The following LAMC2 variants were observed in gnomAD, a reference collection of about 807,000 sequenced individuals.
The protein encoded by LAMC2 is laminin subunit gamma 2.
Under a neutral mutation model 140.2 loss-of-function variants are expected in LAMC2, and 97 were observed. The observed-to-expected ratio is 0.69, with a 90% confidence interval of 0.59 to 0.82. The LOEUF is 0.82. Among genes scored for constraint, LAMC2 ranks in the 40% least tolerant of loss-of-function variants. The pLI is 0.00. For missense variants in LAMC2, 1,402 were observed against 1,476.1 expected (o/e 0.95, Z 0.82); for synonymous variants, 513 against 540.2 (o/e 0.95, Z 0.70).
At chr1:183,221,004 A>G in intron 5 of LAMC2, 43 bp downstream of exon 5, 1 of 1,592,708 alleles carries the variant, frequency 6.3e-7, no homozygotes, top group Non-Finnish European at 8.6e-7. Flanking sequence ...TTAATGTTGT[A>G]CAGGGCTTTG....
chr1:183,237,390 A>G lies in LAMC2; in HGVS notation c.2640A>G (p.Ser880=), dbSNP rs1243429768. 1 of 1,614,058 alleles carries G rather than the reference A, an allele frequency of 6.2e-7. No individual in the cohort carries two copies. The highest frequency in any genetic ancestry group is 8.5e-7 in the Non-Finnish European group (1 of 1,180,036). The change falls in exon 18 of 23, where the codon TCA becomes TCG. Residue 880 remains serine, a synonymous_variant. Coordinates refer to ENST00000264144, the MANE Select transcript of LAMC2 (RefSeq NM_005562.3). The part of the protein sequence containing the change: ...EAKRIKQKAD[S]LSSLVTRHMD... ...AGAGGATCAAACAAAAAGCGGATTC[A>G]CTCTCAAGCCTGGTAACCAGGCATA... is the stretch of plus-strand genomic sequence containing the variant.
chr1:183,239,095 T>A (rs1439754590), intron 19 of LAMC2, among the ~76,000 whole-genome samples: 5 of 152,254 alleles, frequency 3.3e-5, no homozygotes, highest in African/African-American at 4.8e-5. Flanking sequence ...AGATTCTACC[T>A]GCTTCTGATG....
intron 7 of LAMC2, 142 bp from the exon 8 acceptor site, chr1:183,225,466 A>T (rs1433992369): frequency 1.6e-5 from 11 of 687,184 alleles, no homozygotes; most frequent in Admixed American, 4.0e-5. Context: ...TGCCTATGAA[A>T]AGGTGGCTCT....
the LAMC2 span, chr1:183,251,783 C>T: frequency 6.5e-6 from 1 of 154,774 alleles, no homozygotes; most frequent in Non-Finnish European, 1.4e-5. Context: ...TCAAATTATT[C>T]TGAGAAAACC....
At chr1:183,206,041 A>T (rs113260611) in intron 1 of LAMC2, among the ~76,000 whole-genome samples, 1 of 152,234 alleles carries the variant, frequency 6.6e-6, no homozygotes, top group African/African-American at 2.4e-5. Flanking sequence ...GAAGGAACAT[A>T]AAATGGAAAG....
intron 8 of LAMC2, 50 bp from the exon 9 acceptor site, chr1:183,226,648 A>G: frequency 6.8e-7 from 1 of 1,468,036 alleles, no homozygotes; most frequent in South Asian, 1.1e-5. Context: ...CTGACTTGAG[A>G]TCTTTAGACT....
At chr1:183,252,777 C>T in the LAMC2 span, 1 of 1,520,344 alleles carries the variant, frequency 6.6e-7, no homozygotes, top group Non-Finnish European at 9.1e-7. Context: ...AGATGGACAT[C>T]CACACCCAAA....
Position 183,243,618 on chromosome 1 carries a change from C to T in LAMC2, c.*218C>T. The T allele has an allele frequency of 1.7e-6, 1 of 604,880 alleles. No individual in the cohort carries two copies. Among genetic ancestry groups the T allele is most frequent in the East Asian group, 2.9e-5 (1 of 34,774 alleles). 37.5% of individuals were successfully genotyped at this position (604,880 alleles called of 1,614,324 possible). On this transcript the variant is annotated 3_prime_UTR_variant, in exon 23 of 23. Coordinates refer to ENST00000264144, the MANE Select transcript of LAMC2 (RefSeq NM_005562.3). ...ATGCTGGGCAATGAGGCAGATAGCA[C>T]TGGGTGTGAGAATGATCAAGGATCT...
intron 14 of LAMC2, 90 bp downstream of exon 14, chr1:183,232,947 T>G: frequency 8.2e-7 from 1 of 1,226,274 alleles, no homozygotes; most frequent in Non-Finnish European, 1.2e-6. Flanking sequence ...TGTCTCTCAG[T>G]GGCTCACTTT....
Position 183,223,248 on chromosome 1 carries a change from GGTCTAC to G in LAMC2, c.879_884del (p.Leu294_Arg295del). The G allele has an allele frequency of 3.1e-6, 5 of 1,614,204 alleles. No individual in the cohort carries two copies. Among genetic ancestry groups the G allele is most frequent in the Non-Finnish European group, 4.2e-6 (5 of 1,180,026 alleles). On this transcript the variant is annotated inframe_deletion, in exon 7 of 23. Transcript: ENST00000264144. The stretch of plus-strand genomic sequence containing the variant: ...CCATGATGTGATTCTGGAAGGTGCT[GGTCTAC>G]GGATCACAGCTCCCTTGATGCCACT...
Position 183,227,651 on chromosome 1 carries a change from G to C in LAMC2, c.1422G>C (p.Pro474=). Residue 474 remains proline (P), a synonymous_variant, in exon 10 of 23, where the codon CCG becomes CCC. Transcript: ENST00000264144. Reference sequence around the variant, plus strand: ...ACGGGTTCAGCTGCTCAGTGATGCCGGAGACGGAGGAGGTGGTGTGCAATA... The same window carrying C: ...ACGGGTTCAGCTGCTCAGTGATGCCCGAGACGGAGGAGGTGGTGTGCAATA... ...CHNGFSCSVM[P]ETEEVVCNNC... 6.2e-7 allele frequency: 1 copy of C among 1,614,210 alleles called. No individual in the cohort carries two copies. The highest frequency in any genetic ancestry group is 8.5e-7 in the Non-Finnish European group (1 of 1,180,040).
chr1:183,248,089 T>C (rs1660276730), downstream of LAMC2: 1 of 152,346 alleles, frequency 6.6e-6, no homozygotes, highest in Non-Finnish European at 1.5e-5. Flanking sequence ...TACTTTTATA[T>C]AACACATGTG....
intron 1 of LAMC2, among the ~76,000 whole-genome samples, chr1:183,186,692 T>C (rs1658165021): frequency 6.6e-6 from 1 of 152,218 alleles, no homozygotes. Context: ...AAATGTTCCT[T>C]CTTGATGTCT....
chr1:183,253,553 T>C, the LAMC2 span, among the ~76,000 whole-genome samples: 1 of 152,190 alleles, frequency 6.6e-6, no homozygotes, highest in East Asian at 1.9e-4. Flanking sequence ...ACATATTTGC[T>C]ACTTTGTATC....
intron 1 of LAMC2, among the ~76,000 whole-genome samples, chr1:183,199,544 C>A (rs1658640884): frequency 6.6e-6 from 1 of 151,850 alleles, no homozygotes; most frequent in Non-Finnish European, 1.5e-5. Context: ...TGCTATCCAC[C>A]ATCTTTCCAT....
Position 183,228,396 on chromosome 1 carries a change from T to G in LAMC2, c.1491T>G (p.Ala497=), listed in dbSNP as rs539212332. 297 of 1,614,164 alleles carry G rather than the reference T, an allele frequency of 1.8e-4. 2 individuals are homozygous for G. In the East Asian group the frequency reaches 5.0e-3, roughly 27 times the overall value. ...GVTGARCELC[A]DGYFGDPFGE... ...CAGGTGCCCGCTGTGAGCTCTGTGC[T>G]GATGGCTACTTTGGGGACCCCTTTG... The change falls in exon 11 of 23, where the codon GCT becomes GCG. Residue 497 remains alanine, a synonymous_variant. Coordinates refer to ENST00000264144, the MANE Select transcript of LAMC2 (RefSeq NM_005562.3). This position sits in a 1 kb window ranked among gnomAD's most constrained non-coding sequence, Gnocchi z 4.3.
chr1:183,218,622 CT>C (rs1659360773), intron 4 of LAMC2, 134 bp downstream of exon 4: 4 of 747,832 alleles, frequency 5.3e-6, no homozygotes, highest in Non-Finnish European at 9.5e-6. Context: ...GCTCTCTGTC[CT>C]CAAAAACTAA....
chr1:183,238,237 A>G, intron 18 of LAMC2, 70 bp from the exon 19 acceptor site: 1 of 1,094,982 alleles, frequency 9.1e-7, no homozygotes, highest in South Asian at 1.3e-5. Context: ...TCATGAAGAG[A>G]AATGTGTCAG....
chr1:183,234,327 C>T (rs1482816806), intron 14 of LAMC2, 40 bp from the exon 15 acceptor site: 2 of 1,533,758 alleles, frequency 1.3e-6, no homozygotes, highest in Non-Finnish European at 1.8e-6. Context: ...AGTGCAAAGC[C>T]TTAACCGATT....
Sources: gnomAD v4.1 joint callset for allele counts (sites outside exome capture counted in the v4.1 genomes callset) on GRCh38, gnomAD v4.1.1 for gene constraint, Gnocchi (gnomAD v3.1) non-coding constraint, MANE v1.5 for transcripts, NCBI Gene and HGNC (gene_info 2026-07-23, HGNC 2026-07-21) for gene names.